The following FUT9 variants were observed in gnomAD, a reference collection of about 807,000 sequenced individuals.
The protein encoded by FUT9 is fucosyltransferase 9, also known as 4-galactosyl-N-acetylglucosaminide 3-alpha-L-fucosyltransferase 9.
Under a neutral mutation model 29.7 loss-of-function variants are expected in FUT9, and 15 were observed. The observed-to-expected ratio is 0.51, with a 90% confidence interval of 0.34 to 0.78. The LOEUF is 0.78. Ranked by LOEUF, FUT9 falls within the 30% of genes least tolerant of loss-of-function variation. The pLI is 0.01. For synonymous variants in FUT9, 169 were observed against 153.7 expected (o/e 1.10, Z -0.74); for missense variants, 319 against 425.4 (o/e 0.75, Z 2.20).
intron 2 of FUT9, among the ~76,000 whole-genome samples, chr6:96,140,596 G>A (rs1221179094): frequency 6.6e-6 from 1 of 152,154 alleles, no homozygotes; most frequent in Non-Finnish European, 1.5e-5. Flanking sequence ...CATGGCTGGG[G>A]AGGCCTTACA....
At chr6:96,104,702 T>C (rs1436074353) in intron 1 of FUT9, among the ~76,000 whole-genome samples, 1 of 152,028 alleles carries the variant, frequency 6.6e-6, no homozygotes, top group Non-Finnish European at 1.5e-5. Context: ...GGCACATTTT[T>C]TGTGTTTTCA....
At chr6:96,174,169 AT>A (rs2127983965) in intron 2 of FUT9, among the ~76,000 whole-genome samples, 1 of 152,240 alleles carries the variant, frequency 6.6e-6, no homozygotes, top group East Asian at 1.9e-4. Context: ...CTTTAAAGAG[AT>A]GTGATTAAAT....
chr6:96,066,298 A>T (rs1184695201), intron 1 of FUT9, among the ~76,000 whole-genome samples: 1 of 151,850 alleles, frequency 6.6e-6, no homozygotes, highest in Non-Finnish European at 1.5e-5. Context: ...CATTTAATAC[A>T]TTTGTATATC....
rs1220280233 is a variant in FUT9, at chr6:96,205,972, T to A, written c.*1737T>A. ...TTTCTTAAGCCAAGATTGAATGCAG[T>A]GTCAGGCACTGCCTTAACACCCACA... On this transcript the variant is annotated 3_prime_UTR_variant, in exon 3 of 3. Coordinates refer to ENST00000302103, the MANE Select transcript of FUT9 (RefSeq NM_006581.4). The A allele has an allele frequency of 6.0e-6, 1 of 167,036 alleles. No individual in the cohort carries two copies. Among genetic ancestry groups the A allele is most frequent in the African/African-American group, 2.4e-5 (1 of 41,444 alleles). The allele number at this position is 167,036 out of a possible 1,614,324, so 10.3% of individuals were successfully genotyped here.
chr6:96,164,994 G>T (rs1368651130), intron 2 of FUT9, among the ~76,000 whole-genome samples: 1 of 152,160 alleles, frequency 6.6e-6, no homozygotes, highest in South Asian at 2.1e-4. Flanking sequence ...ATGGGCTAGA[G>T]GAATTCTCTA....
intron 1 of FUT9, among the ~76,000 whole-genome samples, chr6:96,061,703 C>A (rs6941247): frequency 0.028 from 4,268 of 152,196 alleles, 220 homozygotes; most frequent in African/African-American, 0.097. Context: ...CTTGTAAGTC[C>A]TGTTCTTCAT....
intron 2 of FUT9, among the ~76,000 whole-genome samples, chr6:96,166,955 A>T (rs1227930902): frequency 6.6e-6 from 1 of 152,172 alleles, no homozygotes; most frequent in Non-Finnish European, 1.5e-5. Flanking sequence ...GTAGATGTTC[A>T]TTCAGTACAG....
At chr6:96,111,138 C>T (rs1219680549) in intron 1 of FUT9, among the ~76,000 whole-genome samples, 1 of 152,140 alleles carries the variant, frequency 6.6e-6, no homozygotes, top group Non-Finnish European at 1.5e-5. Context: ...ATAATAAACT[C>T]ACCCATCAAG....
chr6:96,054,650 C>T (rs1770730574), intron 1 of FUT9, among the ~76,000 whole-genome samples: 1 of 152,100 alleles, frequency 6.6e-6, no homozygotes, highest in African/African-American at 2.4e-5. Context: ...TGAAACAATC[C>T]AGCATACTTG....
At chr6:96,098,622 C>A (rs990761320) in intron 1 of FUT9, among the ~76,000 whole-genome samples, 2 of 152,062 alleles carry the variant, frequency 1.3e-5, no homozygotes, top group Non-Finnish European at 2.9e-5. Flanking sequence ...CAAATGTATT[C>A]AATATGTCTT....
At chr6:96,113,726 C>T (rs1211374896) in intron 1 of FUT9, among the ~76,000 whole-genome samples, 5 of 151,530 alleles carry the variant, frequency 3.3e-5, no homozygotes, top group Admixed American at 1.3e-4. Flanking sequence ...TGGTGGCGGG[C>T]GCCTGTAGTC....
At position 96,204,165 on chromosome 6, in the gene FUT9, C is replaced by T; in HGVS notation, c.1010C>T (p.Ala337Val). 6.7e-7 allele frequency: 1 copy of T among 1,493,016 alleles called. No individual in the cohort carries two copies. The highest frequency in any genetic ancestry group is 8.9e-7 in the Non-Finnish European group (1 of 1,120,256). The allele number at this position is 1,493,016 out of a possible 1,614,324, so 92.5% of individuals were successfully genotyped here. A position where few individuals can be genotyped will look rare whatever the true frequency, so the allele number is the denominator to read the frequency against. ...TTTTGGGAATCACATGCATGTTTGGCTTGCGATCATGTGAAAAGGCATCAA... is the reference window on the plus strand; with the variant it reads ...TTTTGGGAATCACATGCATGTTTGGTTTGCGATCATGTGAAAAGGCATCAA... Reference protein sequence around the residue: ...PRFWESHACLACDHVKRHQEY... With the variant: ...PRFWESHACLVCDHVKRHQEY... Residue 337 changes from alanine to valine, a missense_variant, in exon 3 of 3, where the codon GCT becomes GTT. Coordinates refer to ENST00000302103, the MANE Select transcript of FUT9 (RefSeq NM_006581.4).
chr6:96,061,747 A>G (rs551816298), intron 1 of FUT9, among the ~76,000 whole-genome samples: 20 of 152,156 alleles, frequency 1.3e-4, no homozygotes, highest in Non-Finnish European at 2.1e-4. Context: ...CATTGTTAGC[A>G]TTATTTATAC....
At chr6:96,038,996 C>A (rs746022660) in intron 1 of FUT9, among the ~76,000 whole-genome samples, 1 of 152,254 alleles carries the variant, frequency 6.6e-6, no homozygotes, top group East Asian at 1.9e-4. Flanking sequence ...AATCAAGCCT[C>A]CCCTCAATGC....
chr6:96,181,649 G>A lies in FUT9; in HGVS notation c.-8-21499G>A, dbSNP rs146875829. On this transcript the variant is annotated intron_variant, in intron 2 of 2. Coordinates refer to ENST00000302103, the MANE Select transcript of FUT9 (RefSeq NM_006581.4). Reference sequence around the variant, plus strand: ...TATGCCTTTGCATCCTCATATTTTAGCTCCCACTTATGAGTGAGAACATAC... The same window carrying A: ...TATGCCTTTGCATCCTCATATTTTAACTCCCACTTATGAGTGAGAACATAC... 3.0e-3 allele frequency among the ~76,000 whole-genome samples: 462 copies of A among 151,762 alleles called. 1 individual carries two copies. The highest frequency in any genetic ancestry group is 9.9e-3 in the African/African-American group (409 of 41,386).
At chr6:96,079,405 G>A (rs1409489985) in intron 1 of FUT9, among the ~76,000 whole-genome samples, 1 of 152,064 alleles carries the variant, frequency 6.6e-6, no homozygotes, top group Non-Finnish European at 1.5e-5. Context: ...TCTTTCATTT[G>A]CTTTCTGATT....
chr6:96,197,765 T>G (rs1582304142), intron 2 of FUT9, among the ~76,000 whole-genome samples: 1 of 152,288 alleles, frequency 6.6e-6, no homozygotes, highest in Middle Eastern at 3.4e-3. Context: ...GGAGGTGGGT[T>G]GAAGAGGTAG....
At chr6:96,173,065 G>A (rs369359295) in intron 2 of FUT9, among the ~76,000 whole-genome samples, 2 of 152,236 alleles carry the variant, frequency 1.3e-5, no homozygotes, top group African/African-American at 4.8e-5. Flanking sequence ...CATTTCTTGT[G>A]AGGAATAGTA....
chr6:96,017,147 G>T (rs1195847058), intron 1 of FUT9, among the ~76,000 whole-genome samples: 1 of 152,174 alleles, frequency 6.6e-6, no homozygotes, highest in African/African-American at 2.4e-5. Context: ...GCTTTTTCTT[G>T]AAGGAGATGA....
Sources: allele counts gnomAD v4.1 joint callset (sites outside exome capture counted in the v4.1 genomes callset), GRCh38; gene constraint gnomAD v4.1.1; transcripts MANE v1.5; gene names NCBI Gene and HGNC (gene_info 2026-07-23, HGNC 2026-07-21).